EXOC4: variants seen among roughly 807,000 people sequenced by gnomAD.
The protein encoded by EXOC4 is exocyst complex component 4.
A neutral mutation model predicts 107.2 loss-of-function variants in EXOC4; 71 were observed. The ratio of observed to expected loss-of-function variants is 0.66; its 90% confidence interval spans 0.55 to 0.81. The LOEUF is 0.81. Among genes scored for constraint, EXOC4 ranks in the 30% least tolerant of loss-of-function variants. EXOC4 has a pLI of 0.00. For missense variants in EXOC4, 1,108 were observed against 1,189.6 expected (o/e 0.93, Z 1.01); for synonymous variants, 456 against 441.2 (o/e 1.03, Z -0.42).
At chr7:133,302,268 C>A (rs1259454624) in intron 3 of EXOC4, among the ~76,000 whole-genome samples, 18 of 152,054 alleles carry the variant, frequency 1.2e-4, no homozygotes, top group Admixed American at 1.2e-3. Context: ...TCTTCATAAT[C>A]CTAAAGGAAA....
chr7:133,377,152 G>A (rs1796508029), intron 7 of EXOC4, among the ~76,000 whole-genome samples: 1 of 152,108 alleles, frequency 6.6e-6, no homozygotes, highest in African/African-American at 2.4e-5. Context: ...AGGAGTTCAA[G>A]ACCAGCCTGA....
At chr7:133,433,817 C>G (rs1167876875) in intron 7 of EXOC4, among the ~76,000 whole-genome samples, 1 of 152,132 alleles carries the variant, frequency 6.6e-6, no homozygotes, top group African/African-American at 2.4e-5. Flanking sequence ...GAAATGCTTA[C>G]AATTCAGATG....
intron 9 of EXOC4, among the ~76,000 whole-genome samples, chr7:133,554,672 C>T (rs1800658854): frequency 6.6e-6 from 1 of 152,186 alleles, no homozygotes; most frequent in Admixed American, 6.5e-5. Context: ...CTTGTAGCCT[C>T]CTGCACGTCA....
At chr7:133,558,329 A>G (rs187073332) in intron 9 of EXOC4, among the ~76,000 whole-genome samples, 1 of 151,962 alleles carries the variant, frequency 6.6e-6, no homozygotes, top group African/African-American at 2.4e-5. Context: ...GGGAAATCTA[A>G]TAAAGTATCA....
chr7:133,669,004 A>ATTTTTTTTTT (rs58354607), intron 10 of EXOC4, among the ~76,000 whole-genome samples: 7 of 118,436 alleles, frequency 5.9e-5, no homozygotes, highest in African/African-American at 1.2e-4. Flanking sequence ...TGTTCTCCCA[A>ATTTTTTTTTT]TTTTTTTTTT....
intron 9 of EXOC4, among the ~76,000 whole-genome samples, chr7:133,483,095 A>G (rs918315601): frequency 1.4e-4 from 21 of 152,234 alleles, no homozygotes; most frequent in African/African-American, 4.8e-4. Context: ...CCACGAAACT[A>G]TAAGCTGCAA....
chr7:133,835,091 T>C (rs1050247325), intron 11 of EXOC4, among the ~76,000 whole-genome samples: 13 of 152,208 alleles, frequency 8.5e-5, no homozygotes, highest in Non-Finnish European at 1.9e-4. Context: ...GTAAATCCAT[T>C]AAACCTCTTT....
At chr7:133,742,825 C>A (rs1052451497) in intron 10 of EXOC4, among the ~76,000 whole-genome samples, 7 of 152,134 alleles carry the variant, frequency 4.6e-5, no homozygotes, top group Non-Finnish European at 1.0e-4. Flanking sequence ...AGTTGTTGAC[C>A]TGGAAGTTCT....
intron 10 of EXOC4, among the ~76,000 whole-genome samples, chr7:133,661,630 C>T (rs1311184545): frequency 7.6e-6 from 1 of 131,054 alleles, no homozygotes; most frequent in Non-Finnish European, 1.5e-5. Flanking sequence ...CTTCGTCCTT[C>T]TGCCTTTTTC....
At chr7:133,493,717 G>GT (rs1005300413) in intron 9 of EXOC4, among the ~76,000 whole-genome samples, 2 of 151,928 alleles carry the variant, frequency 1.3e-5, no homozygotes, top group African/African-American at 4.8e-5. Flanking sequence ...GAGAAAATGT[G>GT]TTTACCTCAG....
chr7:133,441,977 G>A (rs2150792906), intron 7 of EXOC4, among the ~76,000 whole-genome samples: 1 of 152,314 alleles, frequency 6.6e-6, no homozygotes, highest in East Asian at 1.9e-4. Flanking sequence ...TTCTCCTCCA[G>A]TGAACAATCC....
At chr7:133,778,606 A>G (rs1161831830) in intron 10 of EXOC4, among the ~76,000 whole-genome samples, 2 of 152,180 alleles carry the variant, frequency 1.3e-5, no homozygotes, top group Admixed American at 6.5e-5. Context: ...CTTCTCTACT[A>G]TTCTAAGATG....
At position 133,305,993 on chromosome 7, in the gene EXOC4, A is replaced by G. The variant is rs750029239; in HGVS notation, c.588A>G (p.Leu196=). The change falls in exon 4 of 18, where the codon CTA becomes CTG. Residue 196 remains leucine, a synonymous_variant. Transcript: ENST00000253861. ...TTCACTTGGTTCTCATAGATGAACT[A>G]CACCGGCACCTGTACATCAAATCGA... ...MNLHLVLIDE[L]HRHLYIKSTS... The G allele has an allele frequency of 6.2e-7, 1 of 1,613,982 alleles. No individual in the cohort carries two copies. Among genetic ancestry groups the G allele is most frequent in the East Asian group, 2.2e-5 (1 of 44,864 alleles).
chr7:134,081,779 G>A, the EXOC4 span, among the ~76,000 whole-genome samples: 77 of 152,302 alleles, frequency 5.1e-4, no homozygotes, highest in African/African-American at 1.5e-3. Context: ...GCAGGATGGG[G>A]AGAAGCAGGT....
intron 11 of EXOC4, among the ~76,000 whole-genome samples, chr7:133,882,622 C>A (rs192556684): frequency 5.3e-4 from 81 of 152,310 alleles, no homozygotes; most frequent in African/African-American, 1.8e-3. Flanking sequence ...TAGGGAGAAT[C>A]TTCCCACAGA....
intron 11 of EXOC4, among the ~76,000 whole-genome samples, chr7:133,825,656 A>G (rs778972240): frequency 2.0e-4 from 30 of 152,324 alleles, no homozygotes; most frequent in Non-Finnish European, 3.8e-4. Context: ...TGTTTTCATC[A>G]TATCACATTA....
chr7:133,774,346 A>G (rs1428159338), intron 10 of EXOC4, among the ~76,000 whole-genome samples: 2 of 152,132 alleles, frequency 1.3e-5, no homozygotes, highest in Admixed American at 6.6e-5. Context: ...GTAAAGGTTT[A>G]AAGATGCCCC....
rs765797900 is a variant in EXOC4 at position 133,253,087 on chromosome 7, C to T, written c.-15C>T. ...TTGGCTTCCTTGGAGCCTAGCGGCT[C>T]TCCCCGCGTCCAAGATGGCGGCAGA... On this transcript the variant is annotated 5_prime_UTR_variant, in exon 1 of 18. Coordinates refer to ENST00000253861, the MANE Select transcript of EXOC4 (RefSeq NM_021807.4). The T allele has an allele frequency of 1.2e-6, 2 of 1,613,932 alleles. No individual in the cohort carries two copies. Among genetic ancestry groups the T allele is most frequent in the South Asian group, 2.2e-5 (2 of 91,078 alleles).
chr7:133,886,841 G>A (rs1799096914), intron 11 of EXOC4, among the ~76,000 whole-genome samples: 1 of 152,150 alleles, frequency 6.6e-6, no homozygotes, highest in Non-Finnish European at 1.5e-5. Context: ...ATCTGTCAGA[G>A]CCACTGATTT....
Sources: allele counts gnomAD v4.1 joint callset (sites outside exome capture counted in the v4.1 genomes callset), GRCh38; gene constraint gnomAD v4.1.1; transcripts MANE v1.5; gene names NCBI Gene and HGNC (gene_info 2026-07-23, HGNC 2026-07-21).